Variants in NCDN observed in about 807,000 individuals in gnomAD.
The protein encoded by NCDN is norbin.
NCDN carries 9 observed loss-of-function variants against 60.7 expected under a neutral mutation model. The ratio of observed to expected loss-of-function variants is 0.15; its 90% CI spans 0.09 to 0.26. The LOEUF (loss-of-function observed/expected upper bound fraction) is 0.26, where lower values mean the gene tolerates loss of function less well. Among genes scored for constraint, NCDN ranks in the 10% least tolerant of loss-of-function variants. NCDN has a pLI of 1.00. For synonymous variants in NCDN, 409 were observed against 442.5 expected (o/e 0.92, Z 0.95); for missense variants, 578 against 975.2 (o/e 0.59, Z 5.42).
Position 35,566,091 on chromosome 1 carries a change from G to T in NCDN, c.*428G>T. 5.3e-6 allele frequency: 1 copy of T among 190,408 alleles called. No individual in the cohort carries two copies. The highest frequency in any genetic ancestry group is 5.5e-5 in the Admixed American group (1 of 18,104). 11.8% of individuals were successfully genotyped at this position (190,408 alleles called of 1,614,324 possible). A position where few individuals can be genotyped will look rare whatever the true frequency, so the allele number is the denominator to read the frequency against. On this transcript the variant is annotated 3_prime_UTR_variant, in exon 7 of 7. Coordinates refer to ENST00000373243, the MANE Select transcript of NCDN (RefSeq NM_014284.3). This position sits in a 1 kb window ranked among gnomAD's most constrained non-coding sequence, Gnocchi z 5.3. ...CCCCTCGGCTGTGGTGCCTCCTCTG[G>T]CCCCCCAGGTCCACGTCCTTTAAAT...
Position 35,563,185 on chromosome 1 carries a change from C to A in NCDN, c.1386-17C>A. ...CTCTCCCAATCCCACACACGTCTGT[C>A]CCTTCCACATCCCCAGGCTCCTCCT... is the stretch of plus-strand genomic sequence containing the variant. On this transcript the variant is annotated splice_polypyrimidine_tract_variant and intron_variant, in intron 4 of 6. Coordinates refer to ENST00000373243, the MANE Select transcript of NCDN (RefSeq NM_014284.3). This position sits in a 1 kb window ranked among gnomAD's most constrained non-coding sequence, Gnocchi z 6.6. 1 of 1,606,432 alleles carries A rather than the reference C, an allele frequency of 6.2e-7. No individual in the cohort carries two copies. Among genetic ancestry groups the A allele is most frequent in the South Asian group, 1.1e-5 (1 of 90,396 alleles).
Position 35,558,544 on chromosome 1 carries a change from G to A in NCDN, c.33+321G>A, listed in dbSNP as rs1648508772. On this transcript the variant is annotated intron_variant, in intron 1 of 6. Transcript: ENST00000373243. The surrounding 1 kb of genome is among the most constrained non-coding windows in gnomAD (Gnocchi z 6.3). ...CTGGAGGGGTGGGGTCCCCAAAGGG[G>A]CCTCCAAGCCTTCCCTGTTGAGCGT... is the stretch of plus-strand genomic sequence containing the variant. The A allele has an allele frequency of 1.5e-6, 2 of 1,325,508 alleles. No individual in the cohort carries two copies. The highest frequency in any genetic ancestry group is 1.9e-5 in the South Asian group (1 of 53,134). 82.1% of individuals were successfully genotyped at this position (1,325,508 alleles called of 1,614,324 possible). A position where few individuals can be genotyped will look rare whatever the true frequency, so the allele number is the denominator to read the frequency against.
chr1:35,559,297 CCCCCAAGGAATGGGGTCAGTGAGT>C, intron 2 of NCDN, 50 bp downstream of exon 2: 2 of 1,611,036 alleles, frequency 1.2e-6, no homozygotes, highest in African/African-American at 2.7e-5. Flanking sequence ...GGTGGTTGGG[CCCCCAAGGAATGGGGTCAGTGAGT>C]CCCCAAGGAT....
Position 35,563,931 on chromosome 1 carries a change from C to T in NCDN, c.1753+22C>T, listed in dbSNP as rs746018023. The T allele has an allele frequency of 2.5e-6, 4 of 1,608,594 alleles. No individual in the cohort carries two copies. In the African/African-American group the frequency reaches 4.0e-5, roughly 16 times the overall value. Reference sequence around the variant, plus strand: ...CCAGGTAAGAACTGGGGATCCAGTCCTGATGGGTGAGGACAGAAGACCTGG... The same window carrying T: ...CCAGGTAAGAACTGGGGATCCAGTCTTGATGGGTGAGGACAGAAGACCTGG... On this transcript the variant is annotated intron_variant, in intron 6 of 6. Coordinates refer to ENST00000373243, the MANE Select transcript of NCDN (RefSeq NM_014284.3). This position sits in a 1 kb window ranked among gnomAD's most constrained non-coding sequence, Gnocchi z 6.6.
chr1:35,564,049 C>T (rs1251624442), intron 6 of NCDN, 140 bp downstream of exon 6: 2 of 1,026,590 alleles, frequency 1.9e-6, no homozygotes, highest in Non-Finnish European at 1.4e-6. Flanking sequence ...CAGTGTATCT[C>T]CATCCCCTAC....
Position 35,562,682 on chromosome 1 carries a change from C to T in NCDN, c.1385+49C>T, listed in dbSNP as rs1306964169. The T allele has an allele frequency of 7.0e-6, 11 of 1,565,802 alleles. No homozygotes were observed. Among genetic ancestry groups the T allele is most frequent in the Middle Eastern group, 3.4e-4 (2 of 5,868 alleles). Reference sequence around the variant, plus strand: ...CCAGCTAGATCATTCTACCGAAAAGCGTTAACACAAGGACACCCCTCCCCA... The same window carrying T: ...CCAGCTAGATCATTCTACCGAAAAGTGTTAACACAAGGACACCCCTCCCCA... On this transcript the variant is annotated intron_variant, in intron 4 of 6. Coordinates refer to ENST00000373243, the MANE Select transcript of NCDN (RefSeq NM_014284.3). The surrounding 1 kb of genome is among the most constrained non-coding windows in gnomAD (Gnocchi z 6.8).
intron 2 of NCDN, 62 bp downstream of exon 2, chr1:35,559,309 G>A: frequency 6.2e-7 from 1 of 1,606,562 alleles, no homozygotes; most frequent in Non-Finnish European, 8.5e-7. Flanking sequence ...CCCAAGGAAT[G>A]GGGTCAGTGA....
Position 35,560,589 on chromosome 1 carries a change from T to A in NCDN, c.438T>A (p.Ala146=). The change falls in exon 3 of 7, where the codon GCT becomes GCA. Residue 146 remains alanine (A), a synonymous_variant. Coordinates refer to ENST00000373243, the MANE Select transcript of NCDN (RefSeq NM_014284.3). This position sits in a 1 kb window ranked among gnomAD's most constrained non-coding sequence, Gnocchi z 7.6. Reference sequence around the variant, plus strand: ...CAGCCCGGGGGGACCCGGACGATGCTGCCCGCCGCTCCATGATTGATGACA... The same window carrying A: ...CAGCCCGGGGGGACCCGGACGATGCAGCCCGCCGCTCCATGATTGATGACA... ...FLTARGDPDD[A]ARRSMIDDTY... 6.2e-7 allele frequency: 1 copy of A among 1,613,340 alleles called. No homozygotes were observed. Among genetic ancestry groups the A allele is most frequent in the Non-Finnish European group, 8.5e-7 (1 of 1,180,046 alleles).
Position 35,566,039 on chromosome 1 carries a change from T to C in NCDN, c.*376T>C. The C allele has an allele frequency of 4.5e-6, 1 of 223,492 alleles. No individual in the cohort carries two copies. The highest frequency in any genetic ancestry group is 9.0e-6 in the Non-Finnish European group (1 of 111,674). 13.8% of individuals were successfully genotyped at this position (223,492 alleles called of 1,614,324 possible). On this transcript the variant is annotated 3_prime_UTR_variant, in exon 7 of 7. Coordinates refer to ENST00000373243, the MANE Select transcript of NCDN (RefSeq NM_014284.3). The surrounding 1 kb of genome is among the most constrained non-coding windows in gnomAD (Gnocchi z 5.3). The stretch of plus-strand genomic sequence containing the variant: ...GGCAGGAGCAGACTGCCTCAGCCCA[T>C]GTGCCCTGCCGGCCAGGGCGTGGGC...
At position 35,561,419 on chromosome 1, in the gene NCDN, T is replaced by G. The variant is rs894968754; in HGVS notation, c.1143+125T>G. 1 of 1,336,960 alleles carries G rather than the reference T, an allele frequency of 7.5e-7. No homozygotes were observed. The highest frequency in any genetic ancestry group is 1.0e-6 in the Non-Finnish European group (1 of 1,004,474). 82.8% of individuals were successfully genotyped at this position (1,336,960 alleles called of 1,614,324 possible). Reference sequence around the variant, plus strand: ...TGCATGTCCACACAAGCTGATACTGTAGCCAGCACTCCAGGGAGTAGTGTG... The same window carrying G: ...TGCATGTCCACACAAGCTGATACTGGAGCCAGCACTCCAGGGAGTAGTGTG... On this transcript the variant is annotated intron_variant, in intron 3 of 6. Transcript: ENST00000373243. This position sits in a 1 kb window ranked among gnomAD's most constrained non-coding sequence, Gnocchi z 4.9.
Position 35,565,943 on chromosome 1 carries a change from G to T in NCDN, c.*280G>T. 1 of 434,660 alleles carries T rather than the reference G, an allele frequency of 2.3e-6. No individual in the cohort carries two copies. Among genetic ancestry groups the T allele is most frequent in the Non-Finnish European group, 4.2e-6 (1 of 239,430 alleles). 26.9% of individuals were successfully genotyped at this position (434,660 alleles called of 1,614,324 possible). On this transcript the variant is annotated 3_prime_UTR_variant, in exon 7 of 7. Transcript: ENST00000373243. The surrounding 1 kb of genome is among the most constrained non-coding windows in gnomAD (Gnocchi z 8.9). ...AGGTTGGAGCAGCCCCCAGGGAGGG[G>T]GGCACTAGGTGTCATTGTGCCCGAT...
Position 35,560,940 on chromosome 1 carries a change from C to T in NCDN, c.789C>T (p.Ala263=), listed in dbSNP as rs530796396. 22 of 1,613,032 alleles carry T rather than the reference C, an allele frequency of 1.4e-5. No individual in the cohort carries two copies. Among genetic ancestry groups the T allele is most frequent in the Middle Eastern group, 1.6e-4 (1 of 6,062 alleles). ...CTGAATGCTACCGGGATCTGCAGGC[C>T]GGGCTGGCACGCATCCTGGGAAGCA... The part of the protein sequence containing the change: ...VPPECYRDLQ[A]GLARILGSKL... The change falls in exon 3 of 7, where the codon GCC becomes GCT. Residue 263 remains alanine (A), a synonymous_variant. Coordinates refer to ENST00000373243, the MANE Select transcript of NCDN (RefSeq NM_014284.3). This position sits in a 1 kb window ranked among gnomAD's most constrained non-coding sequence, Gnocchi z 7.6.
In NCDN at chr1:35,561,562, C is replaced by T. The variant is rs1648707714; in HGVS notation, c.1143+268C>T. Among the ~76,000 whole-genome samples, 1 of 152,008 alleles carries T rather than the reference C, an allele frequency of 6.6e-6. No homozygotes were observed. The highest frequency in any genetic ancestry group is 1.5e-5 in the Non-Finnish European group (1 of 67,994). ...ACACACAACACAGTAACCTCCCACT[C>T]AAACGCTCCCCCCAATACACACACA... On this transcript the variant is annotated intron_variant, in intron 3 of 6. Transcript: ENST00000373243. The surrounding 1 kb of genome is among the most constrained non-coding windows in gnomAD (Gnocchi z 4.9).
Position 35,562,550 on chromosome 1 carries a change from G to A in NCDN, c.1302G>A (p.Glu434=), listed in dbSNP as rs769830784. The change falls in exon 4 of 7, where the codon GAG becomes GAA. Residue 434 remains glutamate, a synonymous_variant. Transcript: ENST00000373243. The surrounding 1 kb of genome is among the most constrained non-coding windows in gnomAD (Gnocchi z 6.8). ...AGACCCTCTACGAGGAGGCCGAGGA[G>A]GCCAATGACCTTTCCCAGCAGGTGG... ...YAKTLYEEAE[E]ANDLSQQVAN... is the part of the protein sequence containing the mutation. The A allele has an allele frequency of 1.2e-6, 2 of 1,613,988 alleles. No individual in the cohort carries two copies. The highest frequency in any genetic ancestry group is 1.7e-6 in the Non-Finnish European group (2 of 1,180,002).
In NCDN at chr1:35,561,324, C is replaced by A; in HGVS notation, c.1143+30C>A. 1 of 1,547,124 alleles carries A rather than the reference C, an allele frequency of 6.5e-7. No homozygotes were observed. The highest frequency in any genetic ancestry group is 1.2e-5 in the South Asian group (1 of 82,314). On this transcript the variant is annotated intron_variant, in intron 3 of 6. Coordinates refer to ENST00000373243, the MANE Select transcript of NCDN (RefSeq NM_014284.3). The surrounding 1 kb of genome is among the most constrained non-coding windows in gnomAD (Gnocchi z 4.9). The stretch of plus-strand genomic sequence containing the variant: ...GGGTGCAGTGACCCACAGAGGGGGC[C>A]CAGTATGGGGGGAGCCAGTGCTGGA...
At position 35,560,340 on chromosome 1, in the gene NCDN, C is replaced by A; in HGVS notation, c.189C>A (p.Val63=). The change falls in exon 3 of 7, where the codon GTC becomes GTA. Residue 63 remains valine (V), a synonymous_variant. Coordinates refer to ENST00000373243, the MANE Select transcript of NCDN (RefSeq NM_014284.3). This position sits in a 1 kb window ranked among gnomAD's most constrained non-coding sequence, Gnocchi z 7.6. ...FAALLLVTKA[V]KAGDIDAKTR... Reference sequence around the variant, plus strand: ...ACCCCCTATAGGTGACCAAGGCAGTCAAAGCAGGTGACATAGATGCCAAAA... The same window carrying A: ...ACCCCCTATAGGTGACCAAGGCAGTAAAAGCAGGTGACATAGATGCCAAAA... 1.2e-6 allele frequency: 2 copies of A among 1,613,428 alleles called. No homozygotes were observed. The highest frequency in any genetic ancestry group is 1.7e-6 in the Non-Finnish European group (2 of 1,179,948).
chr1:35,562,275 G>A lies in NCDN; in HGVS notation c.1144-117G>A. ...AGAATAAAGGTTGGGGCCTGCCTTT[G>A]AAAGGCTCACAGGCCAGAATTTCCT... On this transcript the variant is annotated intron_variant, in intron 3 of 6. Coordinates refer to ENST00000373243, the MANE Select transcript of NCDN (RefSeq NM_014284.3). This position sits in a 1 kb window ranked among gnomAD's most constrained non-coding sequence, Gnocchi z 6.8. 1 of 1,458,944 alleles carries A rather than the reference G, an allele frequency of 6.9e-7. No homozygotes were observed. Among genetic ancestry groups the A allele is most frequent in the South Asian group, 1.3e-5 (1 of 75,082 alleles). 90.4% of individuals were successfully genotyped at this position (1,458,944 alleles called of 1,614,324 possible).
intron 2 of NCDN, among the ~76,000 whole-genome samples, chr1:35,559,742 G>C (rs1213094645): frequency 7.2e-6 from 1 of 138,706 alleles, no homozygotes; most frequent in Non-Finnish European, 1.6e-5. Flanking sequence ...CTAGGAAGGG[G>C]GGGTTGTGTG....
In NCDN at chr1:35,566,091, G is replaced by A. The variant is rs1648865112; in HGVS notation, c.*428G>A. The A allele has an allele frequency of 5.3e-6, 1 of 190,408 alleles. No individual in the cohort carries two copies. Among genetic ancestry groups the A allele is most frequent in the South Asian group, 1.0e-4 (1 of 9,996 alleles). The allele number at this position is 190,408 out of a possible 1,614,324, so 11.8% of individuals were successfully genotyped here. A position where few individuals can be genotyped will look rare whatever the true frequency, so the allele number is the denominator to read the frequency against. On this transcript the variant is annotated 3_prime_UTR_variant, in exon 7 of 7. Transcript: ENST00000373243. The surrounding 1 kb of genome is among the most constrained non-coding windows in gnomAD (Gnocchi z 5.3). ...CCCCTCGGCTGTGGTGCCTCCTCTG[G>A]CCCCCCAGGTCCACGTCCTTTAAAT...
Sources: allele counts gnomAD v4.1 joint callset (sites outside exome capture counted in the v4.1 genomes callset), GRCh38; gene constraint gnomAD v4.1.1; non-coding constraint Gnocchi (gnomAD v3.1); transcripts MANE v1.5; gene names NCBI Gene and HGNC (gene_info 2026-07-23, HGNC 2026-07-21).